Variants in WWOX observed in about 807,000 individuals in gnomAD.
WWOX encodes WW domain containing oxidoreductase, also known as WW domain-containing oxidoreductase.
Under a neutral mutation model 46.2 loss-of-function variants are expected in WWOX, and 69 were observed. That is an observed-to-expected ratio of 1.49 (90% CI 1.23 to 1.82). The LOEUF (loss-of-function observed/expected upper bound fraction) is 1.82. WWOX is among the 40% of genes most tolerant of loss of function. The pLI is 0.00. For synonymous variants in WWOX, 359 were observed against 202.6 expected (o/e 1.77, Z -6.56); for missense variants, 919 against 542.6 (o/e 1.69, Z -6.89).
At chr16:79,121,888 T>TG (rs2049640126) in intron 8 of WWOX, among the ~76,000 whole-genome samples, 1 of 152,054 alleles carries the variant, frequency 6.6e-6, no homozygotes, top group African/African-American at 2.4e-5. Flanking sequence ...CGTGTGTGTG[T>TG]TTGTGTTTTT....
At position 78,177,837 on chromosome 16, in the gene WWOX, C is replaced by T. The variant is rs191108250; in HGVS notation, c.516+13548C>T. ...TTGGCCTGTTGGCCATGGTCCTGGGCGCAAAGAGCAGAAAAGGACGAGACG... is the reference window on the plus strand; with the variant it reads ...TTGGCCTGTTGGCCATGGTCCTGGGTGCAAAGAGCAGAAAAGGACGAGACG... On this transcript the variant is annotated intron_variant, in intron 5 of 8. Coordinates refer to ENST00000566780, the MANE Select transcript of WWOX (RefSeq NM_016373.4). Among the ~76,000 whole-genome samples the T allele has an allele frequency of 2.2e-3, 333 of 152,188 alleles. 1 individual carries two copies. Among genetic ancestry groups the T allele is most frequent in the African/African-American group, 6.3e-3 (261 of 41,530 alleles).
intron 8 of WWOX, chr16:78,551,608 A>G (rs1277107425): frequency 1.3e-5 from 2 of 152,220 alleles, no homozygotes; most frequent in Non-Finnish European, 2.9e-5. Flanking sequence ...TTGAATGGTG[A>G]ATACCCTCGG....
intron 8 of WWOX, among the ~76,000 whole-genome samples, chr16:78,673,272 C>T (rs1297287309): frequency 6.6e-6 from 1 of 152,176 alleles, no homozygotes; most frequent in Non-Finnish European, 1.5e-5. Flanking sequence ...GAGAATGGTG[C>T]AGAATAAGCA....
intron 8 of WWOX, among the ~76,000 whole-genome samples, chr16:79,139,574 CTTTTTCT>C (rs2050048779): frequency 6.6e-6 from 1 of 152,026 alleles, no homozygotes; most frequent in Admixed American, 6.5e-5. Context: ...GTCACGTGGG[CTTTTTCT>C]TTTTTCTTTT....
intron 8 of WWOX, among the ~76,000 whole-genome samples, chr16:78,594,970 C>T (rs999500377): frequency 6.6e-6 from 1 of 152,198 alleles, no homozygotes; most frequent in Non-Finnish European, 1.5e-5. Context: ...TTCACAATAA[C>T]CCTATCCTTA....
chr16:78,882,846 A>T (rs1231170495), intron 8 of WWOX, among the ~76,000 whole-genome samples: 4 of 150,762 alleles, frequency 2.7e-5, no homozygotes, highest in Admixed American at 6.6e-5. Flanking sequence ...AAAAAAGGGC[A>T]TTAATGCATT....
At chr16:79,198,835 A>C (rs1231315563) in intron 8 of WWOX, among the ~76,000 whole-genome samples, 1 of 152,218 alleles carries the variant, frequency 6.6e-6, no homozygotes, top group African/African-American at 2.4e-5. Context: ...AATGTTTGCT[A>C]GTCTTTGTTG....
At chr16:78,432,400 C>A (rs1035194628) in intron 7 of WWOX, 88 bp from the exon 8 acceptor site, 1 of 1,556,236 alleles carries the variant, frequency 6.4e-7, no homozygotes, top group Non-Finnish European at 8.8e-7. Flanking sequence ...GCCACTGCAC[C>A]CAGCATTCCT....
intron 8 of WWOX, among the ~76,000 whole-genome samples, chr16:78,999,623 T>G (rs1028310174): frequency 6.6e-6 from 1 of 152,174 alleles, no homozygotes; most frequent in Non-Finnish European, 1.5e-5. Flanking sequence ...ACTTTAATTA[T>G]TTTTTCACTT....
intron 8 of WWOX, among the ~76,000 whole-genome samples, chr16:79,210,034 A>G (rs191497660): frequency 2.0e-5 from 3 of 152,222 alleles, no homozygotes; most frequent in Admixed American, 2.0e-4. Flanking sequence ...TATTAAGTTC[A>G]AGTCATGTCA....
intron 8 of WWOX, among the ~76,000 whole-genome samples, chr16:79,065,775 A>T (rs1364889939): frequency 1.3e-5 from 2 of 152,154 alleles, no homozygotes; most frequent in Admixed American, 1.3e-4. Context: ...AATTCTTCCC[A>T]GTGTTACTTT....
chr16:78,910,368 G>A (rs1397802658), intron 8 of WWOX, among the ~76,000 whole-genome samples: 1 of 152,006 alleles, frequency 6.6e-6, no homozygotes, highest in Non-Finnish European at 1.5e-5. Flanking sequence ...TTCTGGACTT[G>A]TAGTATGTGC....
At chr16:78,183,424 C>G (rs1484433271) in intron 5 of WWOX, among the ~76,000 whole-genome samples, 1 of 152,092 alleles carries the variant, frequency 6.6e-6, no homozygotes. Flanking sequence ...CTTTGGTGGT[C>G]TAGTTAGTGG....
intron 8 of WWOX, among the ~76,000 whole-genome samples, chr16:79,156,381 G>A (rs77882212): frequency 1.3e-5 from 2 of 152,048 alleles, no homozygotes; most frequent in Admixed American, 6.6e-5. Context: ...AGCTATTCTC[G>A]AACTCCTGAC....
chr16:78,756,616 G>T lies in WWOX; in HGVS notation c.1056+323864G>T, dbSNP rs137991806. Among the ~76,000 whole-genome samples, 519 of 152,300 alleles carry T rather than the reference G, an allele frequency of 3.4e-3. 7 individuals carry two copies. Among genetic ancestry groups the T allele is most frequent in the African/African-American group, 0.012 (493 of 41,580 alleles). ...GAGTTTCATTGGTTACTGACGCTGT[G>T]TACTGATTGGGTAAATTCTAGCATT... On this transcript the variant is annotated intron_variant, in intron 8 of 8. Transcript: ENST00000566780.
chr16:78,666,238 GT>G (rs1256384621), intron 8 of WWOX, among the ~76,000 whole-genome samples: 1 of 152,104 alleles, frequency 6.6e-6, no homozygotes, highest in East Asian at 1.9e-4. Flanking sequence ...ATAGTAAACT[GT>G]GATCCTGCCA....
intron 8 of WWOX, among the ~76,000 whole-genome samples, chr16:79,132,473 T>C (rs1047058116): frequency 6.6e-6 from 1 of 152,172 alleles, no homozygotes; most frequent in Non-Finnish European, 1.5e-5. Flanking sequence ...ATGGTACTTA[T>C]TTGGGAGAGT....
chr16:78,289,080 T>C (rs2079818001), intron 5 of WWOX, among the ~76,000 whole-genome samples: 1 of 151,978 alleles, frequency 6.6e-6, no homozygotes, highest in Non-Finnish European at 1.5e-5. Context: ...CAGGCTGAAA[T>C]GGAGTGGAAG....
intron 8 of WWOX, among the ~76,000 whole-genome samples, chr16:78,439,665 C>A (rs1165600291): frequency 6.6e-6 from 1 of 152,180 alleles, no homozygotes; most frequent in East Asian, 1.9e-4. Flanking sequence ...GGTTAATTTT[C>A]TACATCAGTT....
Sources: allele counts gnomAD v4.1 joint callset (sites outside exome capture counted in the v4.1 genomes callset), GRCh38; gene constraint gnomAD v4.1.1; transcripts MANE v1.5; gene names NCBI Gene and HGNC (gene_info 2026-07-23, HGNC 2026-07-21).